Variants in USH1C observed in about 807,000 individuals in gnomAD.
USH1C encodes the protein harmonin.
Under a neutral mutation model 119.3 loss-of-function variants are expected in USH1C, and 90 were observed. The observed-to-expected ratio is 0.75, with a 90% CI of 0.64 to 0.90. The LOEUF (loss-of-function observed/expected upper bound fraction) is 0.90. USH1C is among the 40% of genes least tolerant of loss of function. The probability of loss-of-function intolerance (pLI) is 0.00; values close to 1 mark genes in which losing one functional copy is unlikely to be tolerated. For missense variants in USH1C, 1,165 were observed against 1,167.7 expected (o/e 1.00, Z 0.03); for synonymous variants, 465 against 443.3 (o/e 1.05, Z -0.62).
rs1328527104 is a variant in USH1C, at chr11:17,522,819, G to C, written c.984C>G (p.Asn328Lys). The stretch of plus-strand genomic sequence containing the variant: ...TCTCCTGCTGCTCCTGGAGGATCTT[G>C]TTGGACTCCATCGCCAGCCGCTTCT... Reference protein sequence around the residue: ...LMQKRLAMESNKILQEQQEME... With the variant: ...LMQKRLAMESKKILQEQQEME... The change falls in exon 12 of 27, where the codon AAC becomes AAG. Residue 328 changes from asparagine (N) to lysine (K), a missense_variant. Asn to Lys is a moderately conservative substitution (Grantham distance 94, BLOSUM62 0). Transcript: ENST00000005226. 3.4e-5 allele frequency: 55 copies of C among 1,613,882 alleles called. No individual in the cohort carries two copies. The Admixed American group carries it at 8.7e-4, about 25-fold the overall frequency.
chr11:17,505,774 A>G (rs1849624460), intron 19 of USH1C, 56 bp downstream of exon 19: 1 of 1,611,778 alleles, frequency 6.2e-7, no homozygotes, highest in African/African-American at 1.3e-5. Flanking sequence ...AGCCCAGGGG[A>G]GGTAGCCCTG....
chr11:17,511,627 C>T (rs376702830), intron 16 of USH1C, among the ~76,000 whole-genome samples: 9 of 152,138 alleles, frequency 5.9e-5, no homozygotes, highest in South Asian at 2.1e-4. Flanking sequence ...TCACACCCCC[C>T]GACCAAGGAG....
chr11:17,539,141 T>C (rs1233207683), intron 1 of USH1C, among the ~76,000 whole-genome samples: 1 of 152,186 alleles, frequency 6.6e-6, no homozygotes, highest in Non-Finnish European at 1.5e-5. Flanking sequence ...TCACTTCAAA[T>C]GTCGCCTCTT....
chr11:17,529,314 C>A (rs1188352260), intron 4 of USH1C, among the ~76,000 whole-genome samples: 1 of 152,174 alleles, frequency 6.6e-6, no homozygotes, highest in Non-Finnish European at 1.5e-5. Context: ...AAACAAAAAC[C>A]AAGTATCTCC....
intron 22 of USH1C, 33 bp downstream of exon 22, chr11:17,501,449 T>A (rs750962113): frequency 6.2e-5 from 99 of 1,607,050 alleles, no homozygotes; most frequent in Middle Eastern, 1.6e-4. Flanking sequence ...CAGAGAGGGA[T>A]GGCGGCCCAC....
chr11:17,523,952 G>A (rs1455135465), intron 9 of USH1C, among the ~76,000 whole-genome samples: 1 of 152,184 alleles, frequency 6.6e-6, no homozygotes, highest in Non-Finnish European at 1.5e-5. Flanking sequence ...CCATCTTACA[G>A]GTAAGCAAAC....
intron 23 of USH1C, among the ~76,000 whole-genome samples, chr11:17,498,832 A>G (rs1362964367): frequency 6.6e-6 from 1 of 152,180 alleles, no homozygotes; most frequent in African/African-American, 2.4e-5. Flanking sequence ...CGTAATCATT[A>G]ATCTGTTTGT....
intron 20 of USH1C, 166 bp from the exon 21 acceptor site, chr11:17,502,146 G>C: frequency 1.6e-6 from 1 of 614,998 alleles, no homozygotes. Flanking sequence ...GGCAGCCCTA[G>C]CAGCCAGGGC....
rs1373611456 is a variant in USH1C at position 17,531,663 on chromosome 11, C to T, written c.105-121G>A. On this transcript the variant is annotated intron_variant, in intron 2 of 26. Transcript: ENST00000005226. The surrounding 1 kb of genome is among the most constrained non-coding windows in gnomAD (Gnocchi z 4.2). ...AGGCTTAGGAATGGAGTAGACCACT[C>T]CTGAAAAGCCCAGAGCTCTTCACAC... is the stretch of plus-strand genomic sequence containing the variant. 2.3e-6 allele frequency: 3 copies of T among 1,310,592 alleles called. No homozygotes were observed. Among genetic ancestry groups the T allele is most frequent in the Non-Finnish European group, 3.2e-6 (3 of 942,982 alleles). 81.2% of individuals were successfully genotyped at this position (1,310,592 alleles called of 1,614,324 possible). A position where few individuals can be genotyped will look rare whatever the true frequency, so the allele number is the denominator to read the frequency against.
chr11:17,501,003 TA>T lies in USH1C; in HGVS notation c.2380+47del, dbSNP rs1228437537. 7.1e-6 allele frequency: 11 copies of T among 1,549,004 alleles called. No homozygotes were observed. In the African/African-American group the frequency reaches 1.5e-4, roughly 21 times the overall value. On this transcript the variant is annotated intron_variant, in intron 23 of 26. Coordinates refer to ENST00000005226, the MANE Select transcript of USH1C (RefSeq NM_153676.4). ...GTTTGCTTTCCGGGAGGGCCCCGTC[TA>T]ACCACTGTATCATCCCCAAACCTGG...
At chr11:17,530,147 C>CT (rs1241513203) in intron 4 of USH1C, among the ~76,000 whole-genome samples, 69 of 152,352 alleles carry the variant, frequency 4.5e-4, no homozygotes, top group African/African-American at 1.5e-3. Flanking sequence ...CTTCGAGCCC[C>CT]TTGAAAGCCC....
At chr11:17,521,559 G>T in intron 12 of USH1C, 148 bp from the exon 13 acceptor site, 2 of 781,996 alleles carry the variant, frequency 2.6e-6, no homozygotes, top group Non-Finnish European at 4.4e-6. Flanking sequence ...TTTGGGGGAC[G>T]TTATCTAACA....
intron 20 of USH1C, among the ~76,000 whole-genome samples, chr11:17,503,029 G>A (rs1330801654): frequency 6.6e-6 from 1 of 152,180 alleles, no homozygotes; most frequent in Admixed American, 6.5e-5. Context: ...GCACCAACTA[G>A]GTTCCGGGCA....
At chr11:17,526,252 G>T (rs992490778) in intron 8 of USH1C, 95 bp downstream of exon 8, 20 of 1,062,556 alleles carry the variant, frequency 1.9e-5, no homozygotes, top group South Asian at 2.6e-5. Flanking sequence ...GGTGGGCAAG[G>T]TTTCCTCGGA....
In USH1C at chr11:17,517,843, G is replaced by A. The variant is rs929289191; in HGVS notation, c.1211-1553C>T. The stretch of plus-strand genomic sequence containing the variant: ...ACGTTTGAGGGCAAGGGGCTGCAAT[G>A]GGAGAACAGACCCTCCAGCCTTGTG... On this transcript the variant is annotated intron_variant, in intron 14 of 26. Coordinates refer to ENST00000005226, the MANE Select transcript of USH1C (RefSeq NM_153676.4). Among the ~76,000 whole-genome samples, 42 of 152,342 alleles carry A rather than the reference G, an allele frequency of 2.8e-4. 1 individual carries two copies. The highest frequency in any genetic ancestry group is 8.2e-4 in the African/African-American group (34 of 41,586).
intron 19 of USH1C, among the ~76,000 whole-genome samples, chr11:17,505,521 G>T (rs1023930697): frequency 1.4e-4 from 21 of 152,230 alleles, no homozygotes; most frequent in South Asian, 8.3e-4. Context: ...GTCCTGCTGT[G>T]AAGATTAATT....
chr11:17,508,452 C>T lies in USH1C; in HGVS notation c.2013+904G>A, dbSNP rs144031910. On this transcript the variant is annotated intron_variant, in intron 18 of 26. Coordinates refer to ENST00000005226, the MANE Select transcript of USH1C (RefSeq NM_153676.4). Reference sequence around the variant, plus strand: ...GTTAATAAAAACCACTGGTCAGGTGCTATTGACTATGCCCTCCCTCAGCAA... The same window carrying T: ...GTTAATAAAAACCACTGGTCAGGTGTTATTGACTATGCCCTCCCTCAGCAA... Among the ~76,000 whole-genome samples, 12 of 152,336 alleles carry T rather than the reference C, an allele frequency of 7.9e-5. 1 individual carries two copies. Among genetic ancestry groups the T allele is most frequent in the African/African-American group, 2.9e-4 (12 of 41,578 alleles).
rs147136961 is a variant in USH1C at position 17,531,690 on chromosome 11, G to A, written c.105-148C>T. 1,335 of 1,008,022 alleles carry A rather than the reference G, an allele frequency of 1.3e-3. 15 individuals carry two copies. The African/African-American group carries it at 0.019, about 14-fold the overall frequency. The allele number at this position is 1,008,022 out of a possible 1,614,324, so 62.4% of individuals were successfully genotyped here. A position where few individuals can be genotyped will look rare whatever the true frequency, so the allele number is the denominator to read the frequency against. ...TGAAAAGCCCAGAGCTCTTCACACCGGGCCAGTGCCTGAGAAGACTTTGTT... is the reference window on the plus strand; with the variant it reads ...TGAAAAGCCCAGAGCTCTTCACACCAGGCCAGTGCCTGAGAAGACTTTGTT... On this transcript the variant is annotated intron_variant, in intron 2 of 26. Coordinates refer to ENST00000005226, the MANE Select transcript of USH1C (RefSeq NM_153676.4). This position sits in a 1 kb window ranked among gnomAD's most constrained non-coding sequence, Gnocchi z 4.2.
chr11:17,543,108 G>A (rs967536425), intron 1 of USH1C, among the ~76,000 whole-genome samples: 2 of 152,212 alleles, frequency 1.3e-5, no homozygotes, highest in Admixed American at 6.5e-5. Flanking sequence ...GTATGGCTGA[G>A]AGGATGCTCA....
Sources: allele counts gnomAD v4.1 joint callset (sites outside exome capture counted in the v4.1 genomes callset), GRCh38; gene constraint gnomAD v4.1.1; non-coding constraint Gnocchi (gnomAD v3.1); transcripts MANE v1.5; gene names NCBI Gene and HGNC (gene_info 2026-07-23, HGNC 2026-07-21).